GALNT2: variants seen among roughly 807,000 people sequenced by gnomAD.
GALNT2 encodes polypeptide N-acetylgalactosaminyltransferase 2.
In GALNT2, 31 loss-of-function variants were observed where a neutral mutation model predicts 81.4. That is an observed-to-expected ratio of 0.38 (90% CI 0.29 to 0.51). The LOEUF (loss-of-function observed/expected upper bound fraction) is 0.51, where lower values mean the gene tolerates loss of function less well. GALNT2 is among the 20% of genes least tolerant of loss of function. The pLI, the probability that GALNT2 is intolerant of heterozygous loss-of-function variation, is 0.87. For synonymous variants in GALNT2, 303 were observed against 287.4 expected (o/e 1.05, Z -0.55); for missense variants, 629 against 765.7 (o/e 0.82, Z 2.11).
At chr1:230,236,275 T>C in intron 4 of GALNT2, 78 bp from the exon 5 acceptor site, 9 of 1,464,496 alleles carry the variant, frequency 6.1e-6, no homozygotes, top group Non-Finnish European at 8.6e-6. Context: ...AGGACCAACA[T>C]ATGAGAATTT....
chr1:230,143,886 T>C (rs1661829484), intron 1 of GALNT2, among the ~76,000 whole-genome samples: 1 of 152,252 alleles, frequency 6.6e-6, no homozygotes, highest in African/African-American at 2.4e-5. Flanking sequence ...GTTATTTGGC[T>C]GTTTGTCAGA....
chr1:230,262,973 A>G lies in GALNT2; in HGVS notation c.1281A>G (p.Lys427=), dbSNP rs780558547. The change falls in exon 13 of 16, where the codon AAA becomes AAG. Residue 427 remains lysine, a synonymous_variant. Coordinates refer to ENST00000366672, the MANE Select transcript of GALNT2 (RefSeq NM_004481.5). ...AGAAACTCAGCTGCAAGCCTTTCAAATGGTACCTTGAAAATGTCTATCCAG... is the reference window on the plus strand; with the variant it reads ...AGAAACTCAGCTGCAAGCCTTTCAAGTGGTACCTTGAAAATGTCTATCCAG... ...LRKKLSCKPF[K]WYLENVYPEL... is the part of the protein sequence containing the mutation. 25 of 1,614,014 alleles carry G rather than the reference A, an allele frequency of 1.5e-5. No homozygotes were observed. The highest frequency in any genetic ancestry group is 2.0e-5 in the Non-Finnish European group (24 of 1,179,934).
At chr1:230,152,679 C>T (rs879328754) in intron 1 of GALNT2, among the ~76,000 whole-genome samples, 8 of 152,174 alleles carry the variant, frequency 5.3e-5, no homozygotes, top group Admixed American at 4.6e-4. Context: ...TAAGAAGAAG[C>T]TATGAGAGAA....
intron 1 of GALNT2, among the ~76,000 whole-genome samples, chr1:230,146,687 GGGACTAACCT>G (rs1188379798): frequency 6.6e-6 from 1 of 152,240 alleles, no homozygotes; most frequent in Non-Finnish European, 1.5e-5. Context: ...AAACGGCATT[GGGACTAACCT>G]GGAGGGATGG....
At chr1:230,262,505 C>A in intron 11 of GALNT2, 68 bp from the exon 12 acceptor site, 1 of 1,357,580 alleles carries the variant, frequency 7.4e-7, no homozygotes, top group South Asian at 1.2e-5. Context: ...CGCCAGCAGA[C>A]AGGTGCAAAT....
chr1:230,072,410 T>G (rs1333123355), intron 1 of GALNT2, among the ~76,000 whole-genome samples: 1 of 151,728 alleles, frequency 6.6e-6, no homozygotes, highest in Non-Finnish European at 1.5e-5. Flanking sequence ...GAGACACAGG[T>G]GTAAGCAGGA....
chr1:230,064,614 G>A (rs201382937), upstream of GALNT2, among the ~76,000 whole-genome samples: 8 of 152,144 alleles, frequency 5.3e-5, no homozygotes, highest in South Asian at 2.1e-4. Context: ...TCTGCCTCCC[G>A]GGTTCAAATG....
chr1:230,149,233 A>G (rs1662019664), intron 1 of GALNT2, among the ~76,000 whole-genome samples: 3 of 152,064 alleles, frequency 2.0e-5, no homozygotes, highest in Non-Finnish European at 1.5e-5. Context: ...TTCTGCTTTT[A>G]TGGCTCCTGA....
chr1:230,144,555 A>G (rs1163999719), intron 1 of GALNT2, among the ~76,000 whole-genome samples: 2 of 152,220 alleles, frequency 1.3e-5, no homozygotes, highest in African/African-American at 2.4e-5. Context: ...TTGTGCCAAC[A>G]TCTGCAACAA....
intron 1 of GALNT2, among the ~76,000 whole-genome samples, chr1:230,091,241 ATTT>A (rs5781563): frequency 1.4e-5 from 2 of 144,494 alleles, no homozygotes; most frequent in African/African-American, 2.6e-5. Context: ...AATTTTTTGT[ATTT>A]TTTTTTTTTT....
At chr1:230,259,755 T>C (rs901351929) in intron 11 of GALNT2, 2 of 152,206 alleles carry the variant, frequency 1.3e-5, no homozygotes, top group African/African-American at 4.8e-5. Context: ...TCATCAGAAG[T>C]GCAGAAGCCT....
chr1:230,262,827 C>T, intron 12 of GALNT2, 95 bp from the exon 13 acceptor site: 1 of 1,385,412 alleles, frequency 7.2e-7, no homozygotes, highest in Non-Finnish European at 1.0e-6. Flanking sequence ...ACCACCTGCC[C>T]CAACCCTGTT....
chr1:230,133,615 A>G (rs1371760001), intron 1 of GALNT2, among the ~76,000 whole-genome samples: 6 of 152,010 alleles, frequency 3.9e-5, no homozygotes, highest in Admixed American at 3.9e-4. Context: ...CACCGCGCCC[A>G]GCTAATTTTT....
intron 1 of GALNT2, among the ~76,000 whole-genome samples, chr1:230,176,668 A>G (rs184558304): frequency 7.9e-5 from 12 of 152,358 alleles, no homozygotes; most frequent in East Asian, 3.9e-4. Context: ...ACCGTTGCCT[A>G]TCTGCCAGGG....
intron 3 of GALNT2, among the ~76,000 whole-genome samples, chr1:230,224,839 TCA>T (rs1001875298): frequency 6.6e-6 from 1 of 152,250 alleles, no homozygotes; most frequent in Non-Finnish European, 1.5e-5. Flanking sequence ...GTTTCCTGTG[TCA>T]CAGGGAGGAT....
intron 1 of GALNT2, among the ~76,000 whole-genome samples, chr1:230,131,286 G>A (rs926752909): frequency 6.6e-6 from 1 of 152,144 alleles, no homozygotes; most frequent in Non-Finnish European, 1.5e-5. Flanking sequence ...TTCTTTCTGA[G>A]AGGCCTGGAG....
chr1:230,079,242 G>A (rs143933448), intron 1 of GALNT2, among the ~76,000 whole-genome samples: 3 of 152,330 alleles, frequency 2.0e-5, no homozygotes, highest in African/African-American at 7.2e-5. Context: ...ATGATACTGC[G>A]TATCTTCTGT....
Position 230,059,804 on chromosome 1 carries a change from T to C in GALNT2, n.89+1726T>C, listed in dbSNP as rs150893985. Among the ~76,000 whole-genome samples the C allele has an allele frequency of 2.4e-3, 366 of 152,346 alleles. 6 individuals carry two copies. Among genetic ancestry groups the C allele is most frequent in the Admixed American group, 0.021 (324 of 15,304 alleles). On this transcript the variant is annotated intron_variant and non_coding_transcript_variant, in intron 1 of 6. Transcript: ENST00000494106. Reference sequence around the variant, plus strand: ...ACTTTTTTTTATCATTCTCTCTCTATATTTTTCTTGAATCTTTTGAAAGCA... The same window carrying C: ...ACTTTTTTTTATCATTCTCTCTCTACATTTTTCTTGAATCTTTTGAAAGCA...
intron 1 of GALNT2, among the ~76,000 whole-genome samples, chr1:230,153,474 A>C (rs1662152638): frequency 6.6e-6 from 1 of 152,158 alleles, no homozygotes; most frequent in Non-Finnish European, 1.5e-5. Context: ...GCACATTTTC[A>C]TGTATTAGAG....
Sources: gnomAD v4.1 joint callset for allele counts (sites outside exome capture counted in the v4.1 genomes callset) on GRCh38, gnomAD v4.1.1 for gene constraint, MANE v1.5 for transcripts, NCBI Gene and HGNC (gene_info 2026-07-23, HGNC 2026-07-21) for gene names.